PTGER4: variants seen among roughly 807,000 people sequenced by gnomAD.
The protein encoded by PTGER4 is prostaglandin E2 receptor EP4 subtype.
A neutral mutation model predicts 33.2 loss-of-function variants in PTGER4; 11 were observed. The ratio of observed to expected loss-of-function variants is 0.33; its 90% CI spans 0.21 to 0.55. The LOEUF (loss-of-function observed/expected upper bound fraction) is 0.55, where lower values mean the gene tolerates loss of function less well. Among genes scored for constraint, PTGER4 ranks in the 20% least tolerant of loss-of-function variants. The pLI is 0.92. For missense variants in PTGER4, 481 were observed against 650.2 expected (o/e 0.74, Z 2.83); for synonymous variants, 275 against 281.5 (o/e 0.98, Z 0.23).
the PTGER4 span, chr5:40,716,152 G>A: frequency 6.3e-7 from 1 of 1,598,998 alleles, no homozygotes; most frequent in Non-Finnish European, 8.5e-7. Context: ...GCTTCATCGG[G>A]CTTTGATAAA....
At chr5:40,709,394 C>A in the PTGER4 span, among the ~76,000 whole-genome samples, 1 of 152,138 alleles carries the variant, frequency 6.6e-6, no homozygotes, top group African/African-American at 2.4e-5. Flanking sequence ...CAATAACAGA[C>A]AAACACAGAG....
At chr5:40,700,485 G>A in the PTGER4 span, among the ~76,000 whole-genome samples, 17,105 of 152,262 alleles carry the variant, frequency 0.11, 1,289 homozygotes, top group Non-Finnish European at 0.17. Flanking sequence ...CCAAGGAGAG[G>A]AGGCCAGTCC....
chr5:40,697,736 T>C (rs144112659), downstream of PTGER4, among the ~76,000 whole-genome samples: 2,623 of 151,866 alleles, frequency 0.017, 42 homozygotes, highest in Non-Finnish European at 0.024. Flanking sequence ...AAGGCAATTA[T>C]TGACTCCATG....
the PTGER4 span, among the ~76,000 whole-genome samples, chr5:40,706,617 C>G: frequency 6.6e-6 from 1 of 150,946 alleles, no homozygotes; most frequent in Non-Finnish European, 1.5e-5. Flanking sequence ...AACTTCAGCA[C>G]AAAGCAGAAA....
chr5:40,732,728 C>A, the PTGER4 span, among the ~76,000 whole-genome samples: 1 of 152,002 alleles, frequency 6.6e-6, no homozygotes, highest in South Asian at 2.1e-4. Context: ...CCTGCCTCAG[C>A]CCCCCGAGTG....
At chr5:40,722,768 GGAGGTGGCGGGGCAGCCCCCGCCCA>G in the PTGER4 span, among the ~76,000 whole-genome samples, 1 of 151,434 alleles carries the variant, frequency 6.6e-6, no homozygotes, top group African/African-American at 2.4e-5. Context: ...GCCCCGTCCC[GGAGGTGGCGGGGCAGCCCCCGCCCA>G]GCCAGCCGCC....
Position 40,692,662 on chromosome 5 carries a change from G to GGTA in PTGER4, c.*286_*288dup, listed in dbSNP as rs374705561. 1.2e-4 allele frequency: 140 copies of GGTA among 1,128,064 alleles called. No individual in the cohort carries two copies. In the African/African-American group the frequency reaches 2.1e-3, roughly 17 times the overall value. 69.9% of individuals were successfully genotyped at this position (1,128,064 alleles called of 1,614,324 possible). A position where few individuals can be genotyped will look rare whatever the true frequency, so the allele number is the denominator to read the frequency against. Reference sequence around the variant, plus strand: ...CCGTTTTTCTACTAGATAGGAGGATGGTAGAAGTTTGGCTGCTGTCATAAC... The same window carrying GGTA: ...CCGTTTTTCTACTAGATAGGAGGATGGTAGTAGAAGTTTGGCTGCTGTCATAAC... On this transcript the variant is annotated 3_prime_UTR_variant, in exon 3 of 3. Transcript: ENST00000302472.
the PTGER4 span, among the ~76,000 whole-genome samples, chr5:40,703,304 G>C: frequency 6.6e-6 from 1 of 151,444 alleles, no homozygotes; most frequent in Admixed American, 6.6e-5. Context: ...AAATGATGAA[G>C]AGAATGTTAC....
chr5:40,715,927 C>T, the PTGER4 span: 8 of 426,698 alleles, frequency 1.9e-5, no homozygotes, highest in East Asian at 2.1e-4. Context: ...GACCATTTTA[C>T]TCAGAATTTT....
the PTGER4 span, among the ~76,000 whole-genome samples, chr5:40,743,618 C>T: frequency 1.3e-5 from 2 of 151,354 alleles, no homozygotes; most frequent in Admixed American, 1.3e-4. Context: ...ACTAAGAATA[C>T]AAAAATTAGC....
At chr5:40,685,831 C>T (rs1329475027) in intron 2 of PTGER4, among the ~76,000 whole-genome samples, 2 of 152,110 alleles carry the variant, frequency 1.3e-5, no homozygotes, top group African/African-American at 4.8e-5. Flanking sequence ...CTTTCTTGAC[C>T]TGTCAATTTG....
At position 40,691,707 on chromosome 5, in the gene PTGER4, G is replaced by C; in HGVS notation, c.868-72G>C. 6.5e-7 allele frequency: 1 copy of C among 1,526,950 alleles called. No homozygotes were observed. Among genetic ancestry groups the C allele is most frequent in the Non-Finnish European group, 8.8e-7 (1 of 1,132,084 alleles). The allele number at this position is 1,526,950 out of a possible 1,614,324, so 94.6% of individuals were successfully genotyped here. A position where few individuals can be genotyped will look rare whatever the true frequency, so the allele number is the denominator to read the frequency against. On this transcript the variant is annotated intron_variant, in intron 2 of 2. Coordinates refer to ENST00000302472, the MANE Select transcript of PTGER4 (RefSeq NM_000958.3). The surrounding 1 kb of genome is among the most constrained non-coding windows in gnomAD (Gnocchi z 4.2). Reference sequence around the variant, plus strand: ...AAGGCAGCTTCCTAATATTGATAAGGTAGACATAGCATTTATATGTTTTCC... The same window carrying C: ...AAGGCAGCTTCCTAATATTGATAAGCTAGACATAGCATTTATATGTTTTCC...
the PTGER4 span, among the ~76,000 whole-genome samples, chr5:40,700,328 C>T: frequency 6.6e-6 from 1 of 152,250 alleles, no homozygotes; most frequent in African/African-American, 2.4e-5. Flanking sequence ...AGTACTAACT[C>T]AGCAACTCCC....
At chr5:40,738,932 A>G in the PTGER4 span, among the ~76,000 whole-genome samples, 3 of 152,170 alleles carry the variant, frequency 2.0e-5, no homozygotes, top group Admixed American at 2.0e-4. Context: ...GAGTTCTTCT[A>G]TACTCTGGAA....
At position 40,680,560 on chromosome 5, in the gene PTGER4, G is replaced by A. The variant is rs1050553309; in HGVS notation, c.-44+82G>A. ...CCCTCGCCGAAGAGAGCCAAGAAGG[G>A]AAGAGCGCGCTCTCCAAATTGCTTT... On this transcript the variant is annotated intron_variant, in intron 1 of 2. Coordinates refer to ENST00000302472, the MANE Select transcript of PTGER4 (RefSeq NM_000958.3). The surrounding 1 kb of genome is among the most constrained non-coding windows in gnomAD (Gnocchi z 5.5). 1.9e-5 allele frequency: 3 copies of A among 159,104 alleles called. No individual in the cohort carries two copies. The highest frequency in any genetic ancestry group is 7.2e-5 in the African/African-American group (3 of 41,566). The allele number at this position is 159,104 out of a possible 1,614,324, so 9.9% of individuals were successfully genotyped here. A position where few individuals can be genotyped will look rare whatever the true frequency, so the allele number is the denominator to read the frequency against.
chr5:40,738,567 T>TAAAATAAAATAAAATAAAATATAAA, the PTGER4 span, among the ~76,000 whole-genome samples: 5 of 67,594 alleles, frequency 7.4e-5, no homozygotes, highest in East Asian at 4.6e-4. Flanking sequence ...TAAAATAAAA[T>TAAAATAAAATAAAATAAAATATAAA]ATAAAATAAA....
At chr5:40,718,249 C>CA in the PTGER4 span, among the ~76,000 whole-genome samples, 1 of 150,424 alleles carries the variant, frequency 6.6e-6, no homozygotes, top group African/African-American at 2.5e-5. Context: ...ACTAAAGATA[C>CA]AAAAAAAATT....
At chr5:40,724,750 G>A in the PTGER4 span, among the ~76,000 whole-genome samples, 1 of 151,598 alleles carries the variant, frequency 6.6e-6, no homozygotes, top group South Asian at 2.1e-4. Context: ...CATTTATAAA[G>A]ACTATAATTC....
the PTGER4 span, among the ~76,000 whole-genome samples, chr5:40,705,469 A>G: frequency 1.3e-5 from 2 of 152,194 alleles, no homozygotes; most frequent in Non-Finnish European, 2.9e-5. Flanking sequence ...GCAAAAATTG[A>G]CAAATGGGAT....
Sources: allele counts gnomAD v4.1 joint callset (sites outside exome capture counted in the v4.1 genomes callset), GRCh38; gene constraint gnomAD v4.1.1; non-coding constraint Gnocchi (gnomAD v3.1); transcripts MANE v1.5; gene names NCBI Gene and HGNC (gene_info 2026-07-23, HGNC 2026-07-21).